NBAS: variants seen among roughly 807,000 people sequenced by gnomAD.
The protein encoded by NBAS is NAG/BC035112 fusion.
A neutral mutation model predicts 302.5 loss-of-function variants in NBAS; 219 were observed. The ratio of observed to expected loss-of-function variants is 0.72; its 90% CI spans 0.65 to 0.81. The LOEUF (loss-of-function observed/expected upper bound fraction) is 0.81, where lower values mean the gene tolerates loss of function less well. Ranked by LOEUF, NBAS falls within the 30% of genes least tolerant of loss-of-function variation. The pLI is 0.00. For synonymous variants in NBAS, 1,118 were observed against 1,021.6 expected (o/e 1.09, Z -1.80); for missense variants, 2,932 against 2,841.6 (o/e 1.03, Z -0.72).
chr2:15,541,336 A>G (rs77190668), intron 6 of NBAS, among the ~76,000 whole-genome samples: 4 of 150,654 alleles, frequency 2.7e-5, no homozygotes, highest in Non-Finnish European at 5.9e-5. Flanking sequence ...TGTCTCTCAG[A>G]AAAAAAAATC....
chr2:15,371,794 T>G (rs899204333), intron 31 of NBAS, among the ~76,000 whole-genome samples: 1 of 151,540 alleles, frequency 6.6e-6, no homozygotes, highest in African/African-American at 2.4e-5. Context: ...AAGAGGGCAA[T>G]GAACAGAGGC....
At chr2:14,874,196 C>T in the NBAS span, among the ~76,000 whole-genome samples, 1 of 152,080 alleles carries the variant, frequency 6.6e-6, no homozygotes, top group Non-Finnish European at 1.5e-5. Flanking sequence ...CTTAAAGATA[C>T]AGACTCACTC....
rs759123968 is a variant in NBAS at position 15,276,972 on chromosome 2, G to C, written c.5268C>G (p.His1756Gln). ...YIYPTIGGFD[H>Q]ERLQYYFTLL... is the part of the protein sequence containing the mutation. ...GAGTGAAATAATACTGCAGCCTTTCGTGATCAAAGCCACCAATAGTAGGGT... is the reference window on the plus strand; with the variant it reads ...GAGTGAAATAATACTGCAGCCTTTCCTGATCAAAGCCACCAATAGTAGGGT... The change falls in exon 43 of 52, where the codon CAC becomes CAG. Residue 1756 changes from histidine (H) to glutamine (Q), a missense_variant. By Grantham distance (24) the His-to-Gln change is conservative. Transcript: ENST00000281513. The C allele has an allele frequency of 1.2e-6, 2 of 1,613,926 alleles. No homozygotes were observed. The highest frequency in any genetic ancestry group is 1.7e-6 in the Non-Finnish European group (2 of 1,179,936).
At chr2:15,056,997 T>G in the NBAS span, among the ~76,000 whole-genome samples, 1 of 151,868 alleles carries the variant, frequency 6.6e-6, no homozygotes, top group South Asian at 2.1e-4. Context: ...CCCGGCTAAT[T>G]TTTTATATTT....
intron 48 of NBAS, among the ~76,000 whole-genome samples, chr2:15,216,658 CA>C (rs1666666522): frequency 6.6e-6 from 1 of 152,116 alleles, no homozygotes; most frequent in Non-Finnish European, 1.5e-5. Flanking sequence ...AGAACATCGA[CA>C]AAAGCTTAAA....
the NBAS span, among the ~76,000 whole-genome samples, chr2:15,104,685 T>C: frequency 2.0e-5 from 3 of 152,172 alleles, no homozygotes. Flanking sequence ...AAAGTGTTCC[T>C]GTTTCTCCAC....
At chr2:15,028,757 A>G in the NBAS span, among the ~76,000 whole-genome samples, 1 of 152,232 alleles carries the variant, frequency 6.6e-6, no homozygotes, top group Admixed American at 6.5e-5. Context: ...ACATTCCAGT[A>G]TCAGACTAAG....
chr2:15,539,559 C>G (rs1192236424), intron 6 of NBAS, among the ~76,000 whole-genome samples: 2 of 152,178 alleles, frequency 1.3e-5, no homozygotes, highest in African/African-American at 4.8e-5. Context: ...ACCACTGCAA[C>G]TATGCCCTAT....
At chr2:15,395,301 G>A (rs540719870) in intron 27 of NBAS, among the ~76,000 whole-genome samples, 1 of 152,002 alleles carries the variant, frequency 6.6e-6, no homozygotes, top group East Asian at 1.9e-4. Flanking sequence ...GAGAAATAAA[G>A]GTAACTATGC....
chr2:15,078,721 T>C, the NBAS span, among the ~76,000 whole-genome samples: 3 of 152,154 alleles, frequency 2.0e-5, 1 homozygote, highest in Admixed American at 2.0e-4. Flanking sequence ...CTTGGCACTG[T>C]AAAAAAATTT....
At chr2:15,319,807 C>T (rs1419488708) in intron 38 of NBAS, among the ~76,000 whole-genome samples, 6 of 152,118 alleles carry the variant, frequency 3.9e-5, no homozygotes, top group African/African-American at 1.4e-4. Context: ...CCGAATTCTT[C>T]CAGAGGTACA....
chr2:15,431,584 A>C (rs1442934184), intron 21 of NBAS, among the ~76,000 whole-genome samples: 1 of 152,206 alleles, frequency 6.6e-6, no homozygotes, highest in Non-Finnish European at 1.5e-5. Context: ...TTGACAACAC[A>C]ACAAAAAAAT....
chr2:15,449,871 G>C (rs891744918), intron 21 of NBAS, among the ~76,000 whole-genome samples: 4 of 152,084 alleles, frequency 2.6e-5, no homozygotes, highest in African/African-American at 9.7e-5. Flanking sequence ...GAAATACAAA[G>C]CCATTTTATT....
chr2:15,218,239 G>A (rs948779521), intron 48 of NBAS, among the ~76,000 whole-genome samples: 8 of 152,146 alleles, frequency 5.3e-5, no homozygotes, highest in African/African-American at 1.9e-4. Context: ...TAATGTACAC[G>A]TGTTTTGTGT....
At chr2:15,448,088 C>A (rs907003033) in intron 21 of NBAS, among the ~76,000 whole-genome samples, 3 of 152,162 alleles carry the variant, frequency 2.0e-5, no homozygotes, top group African/African-American at 4.8e-5. Flanking sequence ...AAAGGCCACA[C>A]CATTTAATAC....
chr2:15,452,198 T>C (rs1323660253), intron 21 of NBAS, among the ~76,000 whole-genome samples: 2 of 152,228 alleles, frequency 1.3e-5, no homozygotes, highest in African/African-American at 4.8e-5. Flanking sequence ...GCAACGTGAA[T>C]GTACTTAACA....
At chr2:14,799,064 T>C in the NBAS span, among the ~76,000 whole-genome samples, 1 of 151,930 alleles carries the variant, frequency 6.6e-6, no homozygotes, top group South Asian at 2.1e-4. Context: ...ATTTATATTC[T>C]AAAATGTATT....
At chr2:15,087,624 A>G in the NBAS span, among the ~76,000 whole-genome samples, 1 of 152,338 alleles carries the variant, frequency 6.6e-6, no homozygotes, top group Middle Eastern at 3.4e-3. Flanking sequence ...CAACCTTGAA[A>G]ATGAGATCCT....
chr2:15,529,362 G>A (rs906090780), intron 9 of NBAS, among the ~76,000 whole-genome samples: 8 of 151,938 alleles, frequency 5.3e-5, no homozygotes, highest in African/African-American at 1.7e-4. Flanking sequence ...GTGTGGTGGT[G>A]TGCACCTGTA....
Sources: allele counts gnomAD v4.1 joint callset (sites outside exome capture counted in the v4.1 genomes callset), GRCh38; gene constraint gnomAD v4.1.1; transcripts MANE v1.5; gene names NCBI Gene and HGNC (gene_info 2026-07-23, HGNC 2026-07-21).